Variants in CRPPA observed in about 807,000 individuals in gnomAD.
The protein encoded by CRPPA is CDP-L-ribitol pyrophosphorylase A.
A neutral mutation model predicts 52.0 loss-of-function variants in CRPPA; 43 were observed. The observed-to-expected ratio is 0.83, with a 90% CI of 0.65 to 1.07. The LOEUF is 1.07. CRPPA is among the 50% of genes least tolerant of loss of function. CRPPA has a pLI of 0.00. For missense variants in CRPPA, 629 were observed against 551.7 expected, an observed-to-expected ratio of 1.14 and a Z score of -1.40; for synonymous variants, 250 against 203.5, an observed-to-expected ratio of 1.23 and a Z score of -1.94.
intron 9 of CRPPA, among the ~76,000 whole-genome samples, chr7:16,164,166 T>C (rs1044053488): frequency 6.6e-6 from 1 of 152,214 alleles, no homozygotes; most frequent in African/African-American, 2.4e-5. Flanking sequence ...AGCTTTGATG[T>C]TTTCACATAG....
intron 9 of CRPPA, among the ~76,000 whole-genome samples, chr7:16,169,864 A>T (rs2128384869): frequency 6.6e-6 from 1 of 152,332 alleles, no homozygotes; most frequent in South Asian, 2.1e-4. Context: ...AACAAGAAGC[A>T]CTCACTGTAT....
chr7:16,100,703 T>C (rs1011878716), intron 9 of CRPPA, among the ~76,000 whole-genome samples: 1 of 152,196 alleles, frequency 6.6e-6, no homozygotes. Flanking sequence ...ATAGGAGTGG[T>C]GAGAGAGGGC....
chr7:16,100,218 C>T (rs894608434), intron 9 of CRPPA, among the ~76,000 whole-genome samples: 1 of 152,170 alleles, frequency 6.6e-6, no homozygotes, highest in African/African-American at 2.4e-5. Flanking sequence ...CAGTAACTGT[C>T]TAATTGACAT....
rs991539616 is a variant in CRPPA at position 16,238,610 on chromosome 7, G to A, written c.1119+19780C>T. ...ACATAAAAAAGGAGGATAAGAAATG[G>A]ACAAATACAAGAGAAAACATCAAAA... On this transcript the variant is annotated intron_variant, in intron 8 of 9. Coordinates refer to ENST00000407010, the MANE Select transcript of CRPPA (RefSeq NM_001101426.4). Among the ~76,000 whole-genome samples, 5 of 151,990 alleles carry A rather than the reference G, an allele frequency of 3.3e-5. 1 individual carries two copies. In the South Asian group the frequency reaches 1.0e-3, roughly 31 times the overall value.
intron 3 of CRPPA, among the ~76,000 whole-genome samples, chr7:16,341,062 T>C (rs1785814238): frequency 6.6e-6 from 1 of 152,094 alleles, no homozygotes; most frequent in African/African-American, 2.4e-5. Flanking sequence ...ACGGAGACAG[T>C]AAAATCATCA....
At chr7:16,299,141 G>C (rs929193022) in intron 5 of CRPPA, among the ~76,000 whole-genome samples, 2 of 152,122 alleles carry the variant, frequency 1.3e-5, no homozygotes, top group Non-Finnish European at 2.9e-5. Context: ...AATGCCTACA[G>C]GTAAATATAC....
At chr7:16,244,166 T>G (rs1040963568) in intron 8 of CRPPA, among the ~76,000 whole-genome samples, 5 of 152,146 alleles carry the variant, frequency 3.3e-5, no homozygotes, top group Admixed American at 1.3e-4. Flanking sequence ...TGGTGAAAAT[T>G]TGTTCCCTTC....
intron 1 of CRPPA, 122 bp from the exon 2 acceptor site, chr7:16,406,459 A>T: frequency 5.9e-6 from 5 of 841,410 alleles, no homozygotes; most frequent in Non-Finnish European, 9.1e-6. Flanking sequence ...GCAAGTTAAT[A>T]AAACAGTTTT....
At chr7:16,378,832 G>C (rs984378675) in intron 2 of CRPPA, among the ~76,000 whole-genome samples, 2 of 152,132 alleles carry the variant, frequency 1.3e-5, no homozygotes, top group Non-Finnish European at 2.9e-5. Context: ...ATCTCACTGT[G>C]GTTTTGATTT....
At chr7:16,109,457 C>A (rs973492851) in intron 9 of CRPPA, among the ~76,000 whole-genome samples, 2 of 151,866 alleles carry the variant, frequency 1.3e-5, no homozygotes, top group Non-Finnish European at 2.9e-5. Flanking sequence ...CTGAGGGTTT[C>A]TTGGCTGAAT....
In CRPPA at chr7:16,337,484, G is replaced by A; in HGVS notation, c.685-28857C>T. On this transcript the variant is annotated intron_variant, in intron 3 of 9. Coordinates refer to ENST00000407010, the MANE Select transcript of CRPPA (RefSeq NM_001101426.4). ...AAGAGTCCTAAGTGGCAAATTTATA[G>A]CATTAAACATCTATATCAAGGTAGA... Among the ~76,000 whole-genome samples, 2 of 151,974 alleles carry A rather than the reference G, an allele frequency of 1.3e-5. 1 individual carries two copies. Among genetic ancestry groups the A allele is most frequent in the Non-Finnish European group, 2.9e-5 (2 of 67,968 alleles).
chr7:16,191,713 A>G (rs1459615695), intron 9 of CRPPA, among the ~76,000 whole-genome samples: 1 of 152,134 alleles, frequency 6.6e-6, no homozygotes, highest in Admixed American at 6.6e-5. Flanking sequence ...AGGTATCTGC[A>G]TGGCTATTTC....
intron 9 of CRPPA, among the ~76,000 whole-genome samples, chr7:16,142,743 C>A (rs1583386222): frequency 6.6e-6 from 1 of 152,058 alleles, no homozygotes; most frequent in South Asian, 2.1e-4. Flanking sequence ...AAAATTCTGT[C>A]CTGTGTTAAA....
chr7:16,415,267 C>T (rs1027099439), intron 1 of CRPPA, among the ~76,000 whole-genome samples: 8 of 152,218 alleles, frequency 5.3e-5, no homozygotes, highest in Non-Finnish European at 8.8e-5. Flanking sequence ...AATGTCTCCT[C>T]CAACTCCTTG....
intron 9 of CRPPA, among the ~76,000 whole-genome samples, chr7:16,100,436 T>C (rs1171315264): frequency 6.6e-6 from 1 of 152,202 alleles, no homozygotes; most frequent in Non-Finnish European, 1.5e-5. Flanking sequence ...TAGTACTATG[T>C]CCACAGTAGG....
At chr7:16,398,232 CTGACA>C (rs1787669815) in intron 2 of CRPPA, among the ~76,000 whole-genome samples, 1 of 43,420 alleles carries the variant, frequency 2.3e-5, no homozygotes, top group African/African-American at 1.8e-4. Context: ...AATAACGTGA[CTGACA>C]CGTGACCAAC....
intron 1 of CRPPA, among the ~76,000 whole-genome samples, chr7:16,412,471 A>G (rs1259384670): frequency 6.6e-6 from 1 of 152,216 alleles, no homozygotes; most frequent in African/African-American, 2.4e-5. Context: ...CTATTTTAGA[A>G]CGCTCTTCAG....
intron 3 of CRPPA, among the ~76,000 whole-genome samples, chr7:16,315,687 A>C (rs370495757): frequency 1.3e-5 from 2 of 152,060 alleles, no homozygotes; most frequent in Non-Finnish European, 2.9e-5. Flanking sequence ...CCATTTTAAG[A>C]ACCTGGTCAA....
At position 16,399,540 on chromosome 7, in the gene CRPPA, C is replaced by T. The variant is rs76089557; in HGVS notation, c.534+6521G>A. ...GAGCATGATTGACACGTGACTGACACGAGATTGACATGAATGACATGACAC... is the reference window on the plus strand; with the variant it reads ...GAGCATGATTGACACGTGACTGACATGAGATTGACATGAATGACATGACAC... On this transcript the variant is annotated intron_variant, in intron 2 of 9. Transcript: ENST00000407010. Among the ~76,000 whole-genome samples, 28 of 151,998 alleles carry T rather than the reference C, an allele frequency of 1.8e-4. No homozygotes were observed. In the East Asian group the frequency reaches 3.9e-3, roughly 21 times the overall value.
Sources: allele counts gnomAD v4.1 joint callset (sites outside exome capture counted in the v4.1 genomes callset), GRCh38; gene constraint gnomAD v4.1.1; transcripts MANE v1.5; gene names NCBI Gene and HGNC (gene_info 2026-07-23, HGNC 2026-07-21).